FSTL5: variants seen among roughly 807,000 people sequenced by gnomAD.
FSTL5 encodes the protein follistatin like 5.
Under a neutral mutation model 89.1 loss-of-function variants are expected in FSTL5, and 62 were observed. That is an observed-to-expected ratio of 0.70 (90% confidence interval 0.57 to 0.86). The LOEUF (loss-of-function observed/expected upper bound fraction) is 0.86. FSTL5 is among the 40% of genes least tolerant of loss of function. The pLI is 0.00. For missense variants in FSTL5, 1,057 were observed against 1,001.6 expected, an observed-to-expected ratio of 1.06 and a Z score of -0.75; for synonymous variants, 383 against 346.2, an observed-to-expected ratio of 1.11 and a Z score of -1.18.
chr4:162,098,828 T>C (rs1030438601), intron 2 of FSTL5, among the ~76,000 whole-genome samples: 3 of 152,152 alleles, frequency 2.0e-5, no homozygotes, highest in East Asian at 1.9e-4. Flanking sequence ...CGAGCAAAGA[T>C]AGTATTTTCA....
intron 15 of FSTL5, among the ~76,000 whole-genome samples, chr4:161,393,521 A>G (rs1730891778): frequency 6.6e-6 from 1 of 152,200 alleles, no homozygotes; most frequent in East Asian, 1.9e-4. Context: ...ATGTAGCTAC[A>G]TCCCGGCTTC....
At chr4:161,510,466 TAA>T (rs748221322) in intron 10 of FSTL5, 42 bp from the exon 11 acceptor site, 32 of 1,212,564 alleles carry the variant, frequency 2.6e-5, no homozygotes, top group Non-Finnish European at 3.6e-5. Flanking sequence ...GAAAAATGAG[TAA>T]AGAGAGCTTT....
intron 4 of FSTL5, among the ~76,000 whole-genome samples, chr4:161,854,749 A>G (rs1731668625): frequency 6.6e-6 from 1 of 152,124 alleles, no homozygotes; most frequent in Non-Finnish European, 1.5e-5. Context: ...GATGAACTCT[A>G]TAAACTATGA....
chr4:161,480,764 G>A (rs1371698065), intron 13 of FSTL5, among the ~76,000 whole-genome samples: 1 of 152,140 alleles, frequency 6.6e-6, no homozygotes, highest in African/African-American at 2.4e-5. Flanking sequence ...GGAGATTTGT[G>A]TGGAGCTAGG....
At chr4:162,023,094 A>G (rs1737152656) in intron 3 of FSTL5, among the ~76,000 whole-genome samples, 1 of 152,160 alleles carries the variant, frequency 6.6e-6, no homozygotes, top group Admixed American at 6.6e-5. Flanking sequence ...TTTTTTTAAA[A>G]GAGACCTCTC....
At chr4:161,641,199 T>C (rs906624456) in intron 7 of FSTL5, among the ~76,000 whole-genome samples, 1 of 152,182 alleles carries the variant, frequency 6.6e-6, no homozygotes, top group African/African-American at 2.4e-5. Flanking sequence ...CTGAAAGCTA[T>C]ATAAAGAAAT....
chr4:162,127,350 T>C (rs1395795605), intron 1 of FSTL5, among the ~76,000 whole-genome samples: 1 of 152,230 alleles, frequency 6.6e-6, no homozygotes, highest in Non-Finnish European at 1.5e-5. Context: ...AGGTAACCAG[T>C]ATGTTTTGTT....
intron 3 of FSTL5, among the ~76,000 whole-genome samples, chr4:162,028,627 G>A (rs140230185): frequency 1.3e-3 from 204 of 152,204 alleles, no homozygotes; most frequent in African/African-American, 4.6e-3. Context: ...TAAAAATATA[G>A]TGACTATGCA....
chr4:161,574,140 C>G (rs1733128739), intron 8 of FSTL5, among the ~76,000 whole-genome samples: 2 of 152,054 alleles, frequency 1.3e-5, no homozygotes, highest in African/African-American at 4.8e-5. Flanking sequence ...ATATTTAGCA[C>G]CAACCTGGAT....
At chr4:161,549,986 C>A (rs972657210) in intron 8 of FSTL5, among the ~76,000 whole-genome samples, 1 of 151,820 alleles carries the variant, frequency 6.6e-6, no homozygotes, top group African/African-American at 2.4e-5. Flanking sequence ...TAGTTAAAGC[C>A]GTCACGTCAG....
intron 9 of FSTL5, among the ~76,000 whole-genome samples, chr4:161,539,207 G>A: frequency 6.6e-6 from 1 of 151,556 alleles, no homozygotes; most frequent in East Asian, 1.9e-4. Context: ...GTGTGTTTGT[G>A]TACATATTTG....
intron 15 of FSTL5, among the ~76,000 whole-genome samples, chr4:161,408,541 T>C (rs1354435181): frequency 1.3e-5 from 2 of 152,128 alleles, no homozygotes; most frequent in African/African-American, 4.8e-5. Flanking sequence ...CCAAATGAGC[T>C]CACTAGCTCC....
At chr4:161,707,347 A>G (rs1738618227) in intron 6 of FSTL5, among the ~76,000 whole-genome samples, 1 of 151,914 alleles carries the variant, frequency 6.6e-6, no homozygotes, top group Non-Finnish European at 1.5e-5. Context: ...TGTTGATGCA[A>G]TTAATGCCTA....
rs928398959 is a variant in FSTL5, at chr4:161,542,437, A to G, written c.1177+95T>C. 4 of 728,750 alleles carry G rather than the reference A, an allele frequency of 5.5e-6. No individual in the cohort carries two copies. In the African/African-American group the frequency reaches 7.4e-5, roughly 13 times the overall value. The allele number at this position is 728,750 out of a possible 1,614,324, so 45.1% of individuals were successfully genotyped here. A position where few individuals can be genotyped will look rare whatever the true frequency, so the allele number is the denominator to read the frequency against. ...TTTGTGACATTCTGTTGCCACCAAC[A>G]CTCATTTTTCTTTTATTTTCCAAAG... On this transcript the variant is annotated intron_variant, in intron 9 of 15. Transcript: ENST00000306100.
At chr4:162,087,569 T>G (rs149199907) in intron 2 of FSTL5, among the ~76,000 whole-genome samples, 1 of 152,280 alleles carries the variant, frequency 6.6e-6, no homozygotes, top group East Asian at 1.9e-4. Context: ...TAATTAATCT[T>G]CTAACCCTCT....
intron 15 of FSTL5, among the ~76,000 whole-genome samples, chr4:161,435,608 C>G (rs1732533197): frequency 1.3e-5 from 2 of 151,416 alleles, no homozygotes; most frequent in Admixed American, 6.6e-5. Context: ...CAAAAAAGGA[C>G]AAATGCTTGA....
intron 12 of FSTL5, among the ~76,000 whole-genome samples, chr4:161,485,567 T>C (rs1034163308): frequency 2.0e-5 from 3 of 152,112 alleles, no homozygotes; most frequent in Non-Finnish European, 4.4e-5. Flanking sequence ...CAAAACTTAA[T>C]GAAATAAATA....
chr4:161,609,069 T>C (rs1734553548), intron 7 of FSTL5, among the ~76,000 whole-genome samples: 1 of 152,100 alleles, frequency 6.6e-6, no homozygotes, highest in Non-Finnish European at 1.5e-5. Flanking sequence ...TTTTGTGTGA[T>C]TATTTGTTAA....
intron 2 of FSTL5, among the ~76,000 whole-genome samples, chr4:162,100,757 G>C (rs940267776): frequency 6.6e-6 from 1 of 152,152 alleles, no homozygotes; most frequent in African/African-American, 2.4e-5. Flanking sequence ...CTGTGCATGT[G>C]TGGGGGAGGG....
Sources: gnomAD v4.1 joint callset for allele counts (sites outside exome capture counted in the v4.1 genomes callset) on GRCh38, gnomAD v4.1.1 for gene constraint, MANE v1.5 for transcripts, NCBI Gene and HGNC (gene_info 2026-07-23, HGNC 2026-07-21) for gene names.